PLOD2: variants seen among roughly 807,000 people sequenced by gnomAD.
The protein encoded by PLOD2 is lysine hydroxylase 2.
Under a neutral mutation model 101.0 loss-of-function variants are expected in PLOD2, and 65 were observed. The ratio of observed to expected loss-of-function variants is 0.64; its 90% CI spans 0.53 to 0.79. The LOEUF (loss-of-function observed/expected upper bound fraction) is 0.79. Ranked by LOEUF, PLOD2 falls within the 30% of genes least tolerant of loss-of-function variation. The pLI is 0.00. For missense variants in PLOD2, 909 were observed against 914.6 expected, an observed-to-expected ratio of 0.99 and a Z score of 0.08; for synonymous variants, 314 against 302.9, an observed-to-expected ratio of 1.04 and a Z score of -0.38.
chr3:146,076,717 A>C (rs1225439307), intron 15 of PLOD2, 65 bp downstream of exon 15: 6 of 824,480 alleles, frequency 7.3e-6, no homozygotes, highest in Non-Finnish European at 1.2e-5. Flanking sequence ...TCATATTATT[A>C]ACCAACTGAT....
At chr3:146,160,086 T>C (rs1206690926) in intron 1 of PLOD2, among the ~76,000 whole-genome samples, 1 of 152,212 alleles carries the variant, frequency 6.6e-6, no homozygotes. Flanking sequence ...ATGCAAGATC[T>C]AATTTCAGAG....
chr3:146,120,647 C>A (rs926302739), intron 3 of PLOD2, among the ~76,000 whole-genome samples: 14 of 152,166 alleles, frequency 9.2e-5, no homozygotes, highest in African/African-American at 3.4e-4. Context: ...AGAGCTTCTG[C>A]ACAGCAAAAG....
intron 8 of PLOD2, among the ~76,000 whole-genome samples, chr3:146,089,679 C>T (rs1288896915): frequency 6.6e-6 from 1 of 151,560 alleles, no homozygotes; most frequent in Non-Finnish European, 1.5e-5. Flanking sequence ...AAAAGTACAC[C>T]TTGTACACTA....
intron 1 of PLOD2, among the ~76,000 whole-genome samples, chr3:146,154,786 A>C (rs1197799413): frequency 6.6e-6 from 1 of 152,210 alleles, no homozygotes; most frequent in African/African-American, 2.4e-5. Flanking sequence ...TGTGCTACTA[A>C]AACAATCAAG....
At chr3:146,145,486 C>T (rs754751690) in intron 1 of PLOD2, among the ~76,000 whole-genome samples, 2 of 152,088 alleles carry the variant, frequency 1.3e-5, no homozygotes, top group Non-Finnish European at 2.9e-5. Context: ...GGAAGATCAA[C>T]ATTCTAATTT....
At chr3:146,082,993 G>A (rs574408343) in intron 11 of PLOD2, among the ~76,000 whole-genome samples, 1 of 152,170 alleles carries the variant, frequency 6.6e-6, no homozygotes, top group Non-Finnish European at 1.5e-5. Context: ...AGAAACACAT[G>A]TTTTGTTTTG....
intron 7 of PLOD2, among the ~76,000 whole-genome samples, chr3:146,093,810 G>T (rs1390167543): frequency 1.3e-5 from 2 of 152,078 alleles, no homozygotes; most frequent in Admixed American, 6.6e-5. Context: ...ATATTAAAAT[G>T]ATCACTAGTT....
intron 7 of PLOD2, among the ~76,000 whole-genome samples, chr3:146,099,520 C>T (rs1319169616): frequency 6.6e-6 from 1 of 151,932 alleles, no homozygotes; most frequent in Non-Finnish European, 1.5e-5. Flanking sequence ...CCTCAGCCTG[C>T]CAAGTAGCTG....
At chr3:146,137,655 C>T (rs1456296707) in intron 1 of PLOD2, among the ~76,000 whole-genome samples, 2 of 152,104 alleles carry the variant, frequency 1.3e-5, no homozygotes, top group African/African-American at 4.8e-5. Context: ...AACAACTACC[C>T]AAATACTTGT....
intron 3 of PLOD2, among the ~76,000 whole-genome samples, chr3:146,119,618 G>A (rs1005093248): frequency 1.1e-4 from 16 of 151,256 alleles, no homozygotes; most frequent in East Asian, 7.8e-4. Context: ...ACAGGCCCCC[G>A]TGTGTGATGT....
intron 15 of PLOD2, among the ~76,000 whole-genome samples, chr3:146,075,641 TA>T: frequency 6.6e-6 from 1 of 151,848 alleles, no homozygotes. Context: ...AAAATAATTT[TA>T]AAAAATGTAT....
Position 146,094,182 on chromosome 3 carries a change from T to A in PLOD2, c.778-2281A>T, listed in dbSNP as rs575477528. Among the ~76,000 whole-genome samples the A allele has an allele frequency of 2.0e-5, 3 of 152,356 alleles. No individual in the cohort carries two copies. In the South Asian group the frequency reaches 6.2e-4, roughly 32 times the overall value. On this transcript the variant is annotated intron_variant, in intron 7 of 19. Transcript: ENST00000282903. ...AATATCAAAATGTTTCCAAGTATGA[T>A]GTCATTTTCATTGACAGAGAAACTT...
intron 1 of PLOD2, among the ~76,000 whole-genome samples, chr3:146,149,113 T>C (rs756102887): frequency 3.2e-4 from 49 of 152,254 alleles, no homozygotes; most frequent in Non-Finnish European, 5.9e-4. Context: ...TCTGAATTAA[T>C]TGTGAACTCA....
chr3:146,089,543 A>C (rs115015420), intron 8 of PLOD2, among the ~76,000 whole-genome samples: 2,404 of 151,774 alleles, frequency 0.016, 60 homozygotes, highest in African/African-American at 0.055. Context: ...AAGTCTGAAC[A>C]AAAGAATTAC....
At chr3:146,160,432 G>A (rs1322313173) in intron 1 of PLOD2, among the ~76,000 whole-genome samples, 1 of 152,198 alleles carries the variant, frequency 6.6e-6, no homozygotes, top group East Asian at 1.9e-4. Context: ...GTTACCGGCT[G>A]CTTCCTGGGG....
chr3:146,087,665 T>C (rs928181484), intron 9 of PLOD2, among the ~76,000 whole-genome samples: 1 of 151,770 alleles, frequency 6.6e-6, no homozygotes, highest in Admixed American at 6.6e-5. Flanking sequence ...CAACATAGAG[T>C]TAATACTAAA....
chr3:146,158,448 C>T (rs148633674), intron 1 of PLOD2, among the ~76,000 whole-genome samples: 150 of 152,276 alleles, frequency 9.9e-4, no homozygotes, highest in African/African-American at 3.4e-3. Context: ...AGCACCAGAG[C>T]TAGGAAAAAC....
chr3:146,135,756 T>C (rs1218973786), intron 1 of PLOD2, among the ~76,000 whole-genome samples: 1 of 152,120 alleles, frequency 6.6e-6, no homozygotes, highest in East Asian at 1.9e-4. Context: ...CCACTCGGCA[T>C]CTTTTTAAAA....
intron 1 of PLOD2, 89 bp from the exon 2 acceptor site, chr3:146,124,318 A>G: frequency 1.3e-6 from 1 of 741,864 alleles, no homozygotes; most frequent in Non-Finnish European, 2.4e-6. Context: ...AGACCTCACT[A>G]AACCCGTGGG....
Sources: allele counts gnomAD v4.1 joint callset (sites outside exome capture counted in the v4.1 genomes callset), GRCh38; gene constraint gnomAD v4.1.1; transcripts MANE v1.5; gene names NCBI Gene and HGNC (gene_info 2026-07-23, HGNC 2026-07-21).